OSBPL6: variants seen among roughly 807,000 people sequenced by gnomAD.
OSBPL6 encodes oxysterol-binding protein-related protein 6.
OSBPL6 carries 49 observed loss-of-function variants against 125.8 expected under a neutral mutation model. The ratio of observed to expected loss-of-function variants is 0.39; its 90% CI spans 0.31 to 0.49. The LOEUF (loss-of-function observed/expected upper bound fraction) is 0.49, where lower values mean the gene tolerates loss of function less well. OSBPL6 is among the 20% of genes least tolerant of loss of function. The pLI, the probability that OSBPL6 is intolerant of heterozygous loss-of-function variation, is 0.88. For missense variants in OSBPL6, 986 were observed against 1,135.4 expected (o/e 0.87, Z 1.89); for synonymous variants, 394 against 391.8 (o/e 1.01, Z -0.07).
At chr2:178,379,237 AAGAG>A (rs570382045) in intron 15 of OSBPL6, among the ~76,000 whole-genome samples, 56 of 149,600 alleles carry the variant, frequency 3.7e-4, no homozygotes, top group Non-Finnish European at 5.9e-4. Context: ...AGAAGAAAGA[AAGAG>A]AGAGAGAGAG....
chr2:178,248,400 TTTATC>T (rs2091569558), intron 1 of OSBPL6, among the ~76,000 whole-genome samples: 1 of 152,230 alleles, frequency 6.6e-6, no homozygotes, highest in South Asian at 2.1e-4. Context: ...TTTGTATGGC[TTTATC>T]TTTTCACAGT....
At chr2:178,281,858 T>C (rs1271253663) in intron 1 of OSBPL6, among the ~76,000 whole-genome samples, 1 of 152,130 alleles carries the variant, frequency 6.6e-6, no homozygotes, top group South Asian at 2.1e-4. Flanking sequence ...TGGGGCTTCA[T>C]ACCTAGGTGA....
chr2:178,266,759 A>G (rs1449820976), intron 1 of OSBPL6, among the ~76,000 whole-genome samples: 1 of 152,214 alleles, frequency 6.6e-6, no homozygotes, highest in African/African-American at 2.4e-5. Flanking sequence ...AAGCAATTCA[A>G]AGTTCTTTCA....
At chr2:178,372,335 G>T in intron 14 of OSBPL6, 102 bp downstream of exon 14, 1 of 734,388 alleles carries the variant, frequency 1.4e-6, no homozygotes, top group Non-Finnish European at 2.2e-6. Flanking sequence ...AGTTAATAAG[G>T]TTCCCTCCAT....
Position 178,217,845 on chromosome 2 carries a change from A to G in OSBPL6, c.-351+23171A>G, listed in dbSNP as rs887677321. 9.9e-5 allele frequency among the ~76,000 whole-genome samples: 15 copies of G among 152,216 alleles called. 1 individual carries two copies. Among genetic ancestry groups the G allele is most frequent in the Non-Finnish European group, 1.2e-4 (8 of 68,034 alleles). On this transcript the variant is annotated intron_variant, in intron 1 of 24. Coordinates refer to ENST00000190611, the MANE Select transcript of OSBPL6 (RefSeq NM_032523.4). Reference sequence around the variant, plus strand: ...ATGATTGGCACAACTGCTGGCATCTATGTCTGCAGCTCAATTTTACAAGCT... The same window carrying G: ...ATGATTGGCACAACTGCTGGCATCTGTGTCTGCAGCTCAATTTTACAAGCT...
chr2:178,299,121 A>G (rs577371865), intron 2 of OSBPL6, among the ~76,000 whole-genome samples: 7 of 152,310 alleles, frequency 4.6e-5, no homozygotes, highest in Admixed American at 2.6e-4. Flanking sequence ...ACATTATCTA[A>G]TCTTTCTTTC....
At chr2:178,218,711 C>T (rs1480892355) in intron 1 of OSBPL6, among the ~76,000 whole-genome samples, 1 of 150,812 alleles carries the variant, frequency 6.6e-6, no homozygotes, top group African/African-American at 2.5e-5. Flanking sequence ...CCCCCTGCAA[C>T]CTCTGCCTCC....
intron 1 of OSBPL6, among the ~76,000 whole-genome samples, chr2:178,282,474 G>A (rs1684296205): frequency 6.6e-6 from 1 of 152,218 alleles, no homozygotes; most frequent in Admixed American, 6.5e-5. Context: ...AACTTGTGGA[G>A]AATCAGACTA....
chr2:178,228,317 T>C (rs574280919), intron 1 of OSBPL6, among the ~76,000 whole-genome samples: 3,123 of 152,232 alleles, frequency 0.021, 65 homozygotes, highest in Non-Finnish European at 0.028. Context: ...GGGCATATCA[T>C]GAGGTCAGGA....
At chr2:178,380,330 AG>A (rs1362024265) in intron 15 of OSBPL6, among the ~76,000 whole-genome samples, 1 of 151,790 alleles carries the variant, frequency 6.6e-6, no homozygotes, top group Non-Finnish European at 1.5e-5. Context: ...GTGTGCGTGT[AG>A]TCCCAGCTAC....
At chr2:178,337,779 AG>A (rs1416057590) in intron 9 of OSBPL6, among the ~76,000 whole-genome samples, 1 of 152,178 alleles carries the variant, frequency 6.6e-6, no homozygotes, top group South Asian at 2.1e-4. Flanking sequence ...TGTTAGAAAA[AG>A]GGTGATGGTT....
At chr2:178,284,181 C>G (rs1345672732) in intron 1 of OSBPL6, among the ~76,000 whole-genome samples, 1 of 152,130 alleles carries the variant, frequency 6.6e-6, no homozygotes, top group Non-Finnish European at 1.5e-5. Flanking sequence ...AGAGACTGTT[C>G]ATGCGTTTTT....
chr2:178,320,302 T>A, intron 3 of OSBPL6: 1 of 1,612,454 alleles, frequency 6.2e-7, no homozygotes, highest in Non-Finnish European at 8.5e-7. Flanking sequence ...AGGAGCATAT[T>A]TTTACCAAAT....
intron 12 of OSBPL6, among the ~76,000 whole-genome samples, chr2:178,356,675 A>G (rs1574957126): frequency 6.6e-6 from 1 of 152,238 alleles, no homozygotes; most frequent in South Asian, 2.1e-4. Flanking sequence ...AAGGTAATTT[A>G]TAGATTCAGT....
intron 1 of OSBPL6, among the ~76,000 whole-genome samples, chr2:178,254,206 A>G (rs566894509): frequency 1.3e-5 from 2 of 152,292 alleles, no homozygotes; most frequent in African/African-American, 4.8e-5. Flanking sequence ...AGCCTGGCCA[A>G]CATAATGAAA....
At chr2:178,246,331 G>A (rs144548997) in intron 1 of OSBPL6, among the ~76,000 whole-genome samples, 5 of 152,278 alleles carry the variant, frequency 3.3e-5, no homozygotes, top group Admixed American at 1.3e-4. Context: ...CTATGGACCA[G>A]CCACCATTTC....
At chr2:178,373,177 C>T (rs936210300) in intron 14 of OSBPL6, among the ~76,000 whole-genome samples, 2 of 152,168 alleles carry the variant, frequency 1.3e-5, no homozygotes, top group Non-Finnish European at 2.9e-5. Flanking sequence ...CCTCCATGGG[C>T]CCTGTGTTCT....
intron 1 of OSBPL6, among the ~76,000 whole-genome samples, chr2:178,210,166 CCTGCCACCATGCCCAGCTAA>C (rs1308825982): frequency 1.4e-5 from 2 of 141,494 alleles, no homozygotes; most frequent in African/African-American, 5.1e-5. Context: ...ATTACAGGTG[CCTGCCACCATGCCCAGCTAA>C]CTTTGTTATG....
chr2:178,264,184 GA>G (rs942744830), intron 1 of OSBPL6, among the ~76,000 whole-genome samples: 20 of 150,840 alleles, frequency 1.3e-4, no homozygotes, highest in South Asian at 4.2e-4. Flanking sequence ...CATAAAACAT[GA>G]AAAAAAAAGT....
Sources: gnomAD v4.1 joint callset for allele counts (sites outside exome capture counted in the v4.1 genomes callset) on GRCh38, gnomAD v4.1.1 for gene constraint, MANE v1.5 for transcripts, NCBI Gene and HGNC (gene_info 2026-07-23, HGNC 2026-07-21) for gene names.